Variants in ARHGEF26 observed in about 807,000 individuals in gnomAD.
ARHGEF26 encodes the protein Rho guanine nucleotide exchange factor (GEF) 26.
Under a neutral mutation model 89.4 loss-of-function variants are expected in ARHGEF26, and 59 were observed. That is an observed-to-expected ratio of 0.66 (90% CI 0.54 to 0.82). The LOEUF (loss-of-function observed/expected upper bound fraction) is 0.82. ARHGEF26 is among the 40% of genes least tolerant of loss of function. ARHGEF26 has a pLI of 0.00. For missense variants in ARHGEF26, 1,234 were observed against 1,085.6 expected (o/e 1.14, Z -1.92); for synonymous variants, 500 against 428.4 (o/e 1.17, Z -2.06).
intron 4 of ARHGEF26, among the ~76,000 whole-genome samples, chr3:154,148,521 C>T (rs1719823903): frequency 6.6e-6 from 1 of 152,254 alleles, no homozygotes; most frequent in East Asian, 1.9e-4. Flanking sequence ...TAGCTGTCAT[C>T]TGTGTAGGTC....
intron 4 of ARHGEF26, among the ~76,000 whole-genome samples, chr3:154,136,652 A>G (rs932799143): frequency 6.6e-6 from 1 of 152,232 alleles, no homozygotes; most frequent in African/African-American, 2.4e-5. Flanking sequence ...CAACAAATGT[A>G]ATATACCTGA....
intron 9 of ARHGEF26, among the ~76,000 whole-genome samples, chr3:154,210,694 C>A (rs1715307617): frequency 6.6e-6 from 1 of 151,390 alleles, no homozygotes; most frequent in Non-Finnish European, 1.5e-5. Flanking sequence ...GTAATCCCAG[C>A]ACATTGAGAG....
intron 12 of ARHGEF26, among the ~76,000 whole-genome samples, chr3:154,251,838 GTTA>G (rs1392967730): frequency 6.6e-6 from 1 of 152,208 alleles, no homozygotes; most frequent in Non-Finnish European, 1.5e-5. Flanking sequence ...TTGGACAGAG[GTTA>G]TTGATTGGAA....
chr3:154,202,319 A>G (rs917437573), intron 9 of ARHGEF26, among the ~76,000 whole-genome samples: 1 of 152,086 alleles, frequency 6.6e-6, no homozygotes, highest in Non-Finnish European at 1.5e-5. Flanking sequence ...AGTTGTAGAT[A>G]TGCGGCATTA....
At chr3:154,219,923 A>G in intron 10 of ARHGEF26, among the ~76,000 whole-genome samples, 1 of 27,320 alleles carries the variant, frequency 3.7e-5, no homozygotes, top group East Asian at 6.2e-3. Flanking sequence ...CAAAAAAAAC[A>G]AAAAACAAAA....
At chr3:154,124,372 C>CTTTTTTTTTTTTTTTTTCT in intron 2 of ARHGEF26, 38 bp from the exon 3 acceptor site, 3 of 1,007,764 alleles carry the variant, frequency 3.0e-6, no homozygotes, top group South Asian at 3.7e-5. Flanking sequence ...TTTGCTTTTC[C>CTTTTTTTTTTTTTTTTTCT]TTTTTTTTTT....
chr3:154,228,136 AT>A (rs5853687), intron 11 of ARHGEF26, among the ~76,000 whole-genome samples: 6,636 of 143,550 alleles, frequency 0.046, 387 homozygotes, highest in African/African-American at 0.14. Context: ...GTCTTTGAGA[AT>A]TTTTTTTTTT....
At chr3:154,129,936 T>C (rs1361083404) in intron 4 of ARHGEF26, among the ~76,000 whole-genome samples, 1 of 152,134 alleles carries the variant, frequency 6.6e-6, no homozygotes, top group East Asian at 1.9e-4. Flanking sequence ...TAAAATAAAG[T>C]GCTATGAGAT....
intron 4 of ARHGEF26, among the ~76,000 whole-genome samples, chr3:154,143,432 A>G (rs1456420237): frequency 1.3e-5 from 2 of 152,096 alleles, no homozygotes; most frequent in Admixed American, 1.3e-4. Flanking sequence ...ATATTCTTCT[A>G]CAACCTTTTT....
chr3:154,223,090 C>T (rs1193032576), intron 10 of ARHGEF26, among the ~76,000 whole-genome samples: 1 of 151,970 alleles, frequency 6.6e-6, no homozygotes, highest in African/African-American at 2.4e-5. Flanking sequence ...GTTTTTTTGT[C>T]TTGCGATGGA....
At chr3:154,181,342 G>A (rs2108162476) in intron 6 of ARHGEF26, among the ~76,000 whole-genome samples, 1 of 152,236 alleles carries the variant, frequency 6.6e-6, no homozygotes, top group Non-Finnish European at 1.5e-5. Flanking sequence ...TATGTTACAA[G>A]TCTCCAGCCT....
Position 154,201,620 on chromosome 3 carries a change from A to G in ARHGEF26, c.1845+6902A>G, listed in dbSNP as rs1476846169. Among the ~76,000 whole-genome samples, 7 of 151,288 alleles carry G rather than the reference A, an allele frequency of 4.6e-5. No individual in the cohort carries two copies. The East Asian group carries it at 9.7e-4, about 21-fold the overall frequency. ...GTTGAACTAGTTTACAGTCCCACCA[A>G]CAGTGTAAAAGTGTTCCTATTTCTC... On this transcript the variant is annotated intron_variant, in intron 9 of 14. Coordinates refer to ENST00000465093, the MANE Select transcript of ARHGEF26 (RefSeq NM_015595.4).
intron 6 of ARHGEF26, among the ~76,000 whole-genome samples, chr3:154,155,251 C>G (rs895991354): frequency 6.6e-6 from 1 of 151,922 alleles, no homozygotes; most frequent in African/African-American, 2.4e-5. Flanking sequence ...TAATAATATT[C>G]CTCTATGATG....
At chr3:154,188,266 A>G (rs1044325060) in intron 7 of ARHGEF26, among the ~76,000 whole-genome samples, 20 of 152,218 alleles carry the variant, frequency 1.3e-4, no homozygotes, top group African/African-American at 4.8e-4. Flanking sequence ...TCAATTGACA[A>G]CGATAATAAA....
intron 6 of ARHGEF26, among the ~76,000 whole-genome samples, chr3:154,185,882 C>G (rs915004138): frequency 6.6e-6 from 1 of 152,082 alleles, no homozygotes; most frequent in East Asian, 1.9e-4. Context: ...ACTGGAGATT[C>G]CAGGTATTTC....
At chr3:154,137,358 C>T (rs1029440430) in intron 4 of ARHGEF26, among the ~76,000 whole-genome samples, 4 of 152,126 alleles carry the variant, frequency 2.6e-5, no homozygotes, top group East Asian at 1.9e-4. Flanking sequence ...GTGTCCCCAC[C>T]GGCAAGAAGG....
rs889611955 is a variant in ARHGEF26 at position 154,185,995 on chromosome 3, A to G, written c.1488-1690A>G. On this transcript the variant is annotated intron_variant, in intron 6 of 14. Transcript: ENST00000465093. ...GTAATTGGCTGCATGCCTCCCATCA[A>G]CCGCTCCACTGTGAGTGTTGGGAGG... Among the ~76,000 whole-genome samples the G allele has an allele frequency of 3.3e-4, 50 of 152,290 alleles. 1 individual carries two copies. The highest frequency in any genetic ancestry group is 6.8e-3 in the Middle Eastern group (2 of 294).
chr3:154,191,553 T>G (rs937954881), intron 8 of ARHGEF26, 135 bp downstream of exon 8: 43 of 1,111,288 alleles, frequency 3.9e-5, no homozygotes, highest in African/African-American at 6.3e-5. Flanking sequence ...TGAGAAGGTG[T>G]TGTTTGTTCA....
chr3:154,256,650 C>T lies in ARHGEF26; in HGVS notation c.*1177C>T, dbSNP rs1002768913. On this transcript the variant is annotated 3_prime_UTR_variant, in exon 15 of 15. Coordinates refer to ENST00000465093, the MANE Select transcript of ARHGEF26 (RefSeq NM_015595.4). Reference sequence around the variant, plus strand: ...AATAATACCTAGTTTTCAGCTGTTCCAACTCGTTTCCAAATAGAAATTAGC... The same window carrying T: ...AATAATACCTAGTTTTCAGCTGTTCTAACTCGTTTCCAAATAGAAATTAGC... The T allele has an allele frequency of 2.5e-5, 28 of 1,141,982 alleles. No homozygotes were observed. The highest frequency in any genetic ancestry group is 2.8e-5 in the Non-Finnish European group (26 of 932,694). The allele number at this position is 1,141,982 out of a possible 1,614,324, so 70.7% of individuals were successfully genotyped here.
Sources: allele counts gnomAD v4.1 joint callset (sites outside exome capture counted in the v4.1 genomes callset), GRCh38; gene constraint gnomAD v4.1.1; transcripts MANE v1.5; gene names NCBI Gene and HGNC (gene_info 2026-07-23, HGNC 2026-07-21).